SORCS1: variants seen among roughly 807,000 people sequenced by gnomAD.
SORCS1 encodes the protein VPS10 domain-containing receptor SorCS1.
A neutral mutation model predicts 146.1 loss-of-function variants in SORCS1; 60 were observed. That is an observed-to-expected ratio of 0.41 (90% CI 0.33 to 0.51). SORCS1 has a LOEUF of 0.51. SORCS1 is among the 20% of genes least tolerant of loss of function. The pLI is 0.21. For missense variants in SORCS1, 1,352 were observed against 1,487.6 expected (o/e 0.91, Z 1.50); for synonymous variants, 637 against 584.0 (o/e 1.09, Z -1.31).
At chr10:106,971,280 T>C (rs904235149) in intron 1 of SORCS1, among the ~76,000 whole-genome samples, 3 of 152,190 alleles carry the variant, frequency 2.0e-5, no homozygotes, top group South Asian at 2.1e-4. Context: ...CAGTGCCCCA[T>C]ATCCTCTCAG....
intron 1 of SORCS1, among the ~76,000 whole-genome samples, chr10:107,047,688 G>A (rs1278729377): frequency 2.0e-5 from 3 of 151,974 alleles, no homozygotes; most frequent in Non-Finnish European, 2.9e-5. Flanking sequence ...ATTTGTCACC[G>A]CAGTGCGTTG....
At chr10:107,004,564 C>T (rs1234305136) in intron 1 of SORCS1, among the ~76,000 whole-genome samples, 1 of 152,078 alleles carries the variant, frequency 6.6e-6, no homozygotes, top group African/African-American at 2.4e-5. Flanking sequence ...AGGAAATGAC[C>T]CCCATGAGTC....
At chr10:106,906,261 C>T (rs1284931760) in intron 2 of SORCS1, among the ~76,000 whole-genome samples, 1 of 152,122 alleles carries the variant, frequency 6.6e-6, no homozygotes, top group East Asian at 1.9e-4. Context: ...ATTACAGGTG[C>T]CCACCACCAC....
At chr10:106,790,797 T>C (rs2136511605) in intron 3 of SORCS1, among the ~76,000 whole-genome samples, 1 of 152,314 alleles carries the variant, frequency 6.6e-6, no homozygotes, top group Non-Finnish European at 1.5e-5. Flanking sequence ...GTCTAGCTCT[T>C]GCTAGGTATG....
chr10:107,159,331 A>C (rs1969534092), intron 1 of SORCS1, among the ~76,000 whole-genome samples: 1 of 152,188 alleles, frequency 6.6e-6, no homozygotes, highest in Non-Finnish European at 1.5e-5. Flanking sequence ...CAAAGTATTA[A>C]ATTAGTTTTG....
intron 1 of SORCS1, among the ~76,000 whole-genome samples, chr10:106,959,184 G>A (rs926966923): frequency 3.3e-5 from 5 of 152,120 alleles, no homozygotes; most frequent in African/African-American, 9.7e-5. Context: ...GGTAGAAACC[G>A]CTCCCTGCCT....
At chr10:106,682,338 T>C (rs1300672816) in intron 10 of SORCS1, among the ~76,000 whole-genome samples, 1 of 152,162 alleles carries the variant, frequency 6.6e-6, no homozygotes, top group East Asian at 1.9e-4. Context: ...TGGTGTACTT[T>C]TTTCTCCACT....
intron 1 of SORCS1, among the ~76,000 whole-genome samples, chr10:107,162,223 T>G (rs970946099): frequency 2.0e-5 from 3 of 152,224 alleles, no homozygotes; most frequent in Admixed American, 6.5e-5. Flanking sequence ...GTGAGTGATA[T>G]TTTACAGCTT....
chr10:106,722,391 G>C (rs910148865), intron 6 of SORCS1, among the ~76,000 whole-genome samples: 1 of 152,138 alleles, frequency 6.6e-6, no homozygotes, highest in East Asian at 1.9e-4. Context: ...TGGAAAGCTG[G>C]TGGATAGGAA....
intron 1 of SORCS1, among the ~76,000 whole-genome samples, chr10:107,131,547 C>T (rs1284315918): frequency 6.6e-6 from 1 of 151,924 alleles, no homozygotes; most frequent in East Asian, 1.9e-4. Context: ...ACATGGCGAA[C>T]CCCCCCATCT....
chr10:107,150,287 T>C (rs1968677861), intron 1 of SORCS1, among the ~76,000 whole-genome samples: 3 of 152,206 alleles, frequency 2.0e-5, no homozygotes, highest in Admixed American at 1.3e-4. Context: ...ATAACTGGTA[T>C]AAAAGGAAAG....
Position 107,164,451 on chromosome 10 carries a change from G to T in SORCS1, c.76C>A (p.Leu26Ile), listed in dbSNP as rs1969957601. Residue 26 changes from leucine to isoleucine, a missense_variant, in exon 1 of 26, where the codon CTC (leucine) becomes ATC (isoleucine). Coordinates refer to ENST00000263054, the MANE Select transcript of SORCS1 (RefSeq NM_052918.5). The surrounding 1 kb of genome is among the most constrained non-coding windows in gnomAD (Gnocchi z 6.8). ...CCGCCGCAGACGCCCGGGGCGCAGA[G>T]GATCAAGAGCCCCGCGCCGGCGAGG... ...ALLAGAGLLI[L>I]CAPGVCGGGS... 1.4e-6 allele frequency: 2 copies of T among 1,393,746 alleles called. No individual in the cohort carries two copies. The highest frequency in any genetic ancestry group is 9.2e-7 in the Non-Finnish European group (1 of 1,081,416). The allele number at this position is 1,393,746 out of a possible 1,614,324, so 86.3% of individuals were successfully genotyped here.
intron 1 of SORCS1, among the ~76,000 whole-genome samples, chr10:106,997,388 C>T (rs1957043735): frequency 6.6e-6 from 1 of 152,200 alleles, no homozygotes; most frequent in Non-Finnish European, 1.5e-5. Flanking sequence ...TCACTGCTGC[C>T]ACAGATTCTC....
chr10:107,129,604 C>T (rs1966848131), intron 1 of SORCS1, among the ~76,000 whole-genome samples: 1 of 152,174 alleles, frequency 6.6e-6, no homozygotes, highest in Non-Finnish European at 1.5e-5. Context: ...AAATTTTACC[C>T]ACTCTTCCCA....
At chr10:106,700,587 A>C (rs1212437191) in intron 8 of SORCS1, among the ~76,000 whole-genome samples, 1 of 152,194 alleles carries the variant, frequency 6.6e-6, no homozygotes, top group Non-Finnish European at 1.5e-5. Context: ...GAAATCTGAC[A>C]ATCTTCCTGT....
chr10:106,710,431 G>GGA (rs1176166043), intron 6 of SORCS1, among the ~76,000 whole-genome samples: 1 of 25,080 alleles, frequency 4.0e-5, no homozygotes, highest in Non-Finnish European at 2.0e-4. Context: ...CTGGGTGACA[G>GGA]GAAAAAAAAA....
chr10:107,176,853 T>C, the SORCS1 span, among the ~76,000 whole-genome samples: 1 of 152,112 alleles, frequency 6.6e-6, no homozygotes, highest in African/African-American at 2.4e-5. Context: ...GTTTTATATA[T>C]ATAGTGTTCA....
chr10:106,797,909 G>A (rs1466716440), intron 3 of SORCS1, among the ~76,000 whole-genome samples: 1 of 152,136 alleles, frequency 6.6e-6, no homozygotes, highest in Non-Finnish European at 1.5e-5. Context: ...GGCAGAGATG[G>A]GCTAAGATAT....
At chr10:106,888,747 C>A (rs1394734645) in intron 2 of SORCS1, among the ~76,000 whole-genome samples, 22 of 152,156 alleles carry the variant, frequency 1.4e-4, no homozygotes, top group Non-Finnish European at 3.1e-4. Context: ...ACCAACAGTG[C>A]AAAGCATGAA....
Sources: gnomAD v4.1 joint callset for allele counts (sites outside exome capture counted in the v4.1 genomes callset) on GRCh38, gnomAD v4.1.1 for gene constraint, Gnocchi (gnomAD v3.1) non-coding constraint, MANE v1.5 for transcripts, NCBI Gene and HGNC (gene_info 2026-07-23, HGNC 2026-07-21) for gene names.